Variants in CUBN observed in about 807,000 individuals in gnomAD.
CUBN encodes the protein 460 kDa receptor.
A neutral mutation model predicts 405.3 loss-of-function variants in CUBN; 282 were observed. That is an observed-to-expected ratio of 0.70 (90% CI 0.63 to 0.77). The LOEUF (loss-of-function observed/expected upper bound fraction) is 0.77, where lower values mean the gene tolerates loss of function less well. CUBN is among the 30% of genes least tolerant of loss of function. The probability of loss-of-function intolerance (pLI) is 0.00; values close to 1 mark genes in which losing one functional copy is unlikely to be tolerated. For synonymous variants in CUBN, 1,684 were observed against 1,617.0 expected (o/e 1.04, Z -0.99); for missense variants, 4,514 against 4,475.2 (o/e 1.01, Z -0.25).
At position 17,074,805 on chromosome 10, in the gene CUBN, T is replaced by C. The variant is rs1564504971; in HGVS notation, c.2302-2834A>G. 2.0e-5 allele frequency among the ~76,000 whole-genome samples: 3 copies of C among 152,216 alleles called. 1 individual carries two copies. The highest frequency in any genetic ancestry group is 2.0e-4 in the Admixed American group (3 of 15,268). ...TTTTATTCTGTTACTCTATTTTTTCTTAATGTTATTCTTACAACTTTACAT... is the reference window on the plus strand; with the variant it reads ...TTTTATTCTGTTACTCTATTTTTTCCTAATGTTATTCTTACAACTTTACAT... On this transcript the variant is annotated intron_variant, in intron 17 of 66. Transcript: ENST00000377833.
chr10:17,115,420 GCTA>G, intron 7 of CUBN, 48 bp downstream of exon 7: 1 of 1,610,878 alleles, frequency 6.2e-7, no homozygotes, highest in East Asian at 2.2e-5. Context: ...AGGAGGAGGA[GCTA>G]CTAACCATGG....
intron 21 of CUBN, among the ~76,000 whole-genome samples, chr10:17,066,167 G>C (rs1276543921): frequency 6.6e-6 from 1 of 152,116 alleles, no homozygotes; most frequent in Non-Finnish European, 1.5e-5. Flanking sequence ...AACCCCTATA[G>C]AGGGAATCTA....
At chr10:17,044,395 A>G (rs1443125235) in intron 25 of CUBN, among the ~76,000 whole-genome samples, 1 of 151,586 alleles carries the variant, frequency 6.6e-6, no homozygotes, top group Non-Finnish European at 1.5e-5. Flanking sequence ...TTAGGTATTT[A>G]TAAACTCAGG....
At chr10:17,041,325 A>G in intron 26 of CUBN, 105 bp from the exon 27 acceptor site, 4 of 838,852 alleles carry the variant, frequency 4.8e-6, no homozygotes, top group Non-Finnish European at 6.1e-6. Flanking sequence ...CTGTGTATGT[A>G]CACACACACA....
intron 62 of CUBN, among the ~76,000 whole-genome samples, chr10:16,837,314 C>T (rs1352529168): frequency 1.3e-5 from 2 of 149,204 alleles, no homozygotes; most frequent in Non-Finnish European, 3.0e-5. Context: ...GGGCCAGCCT[C>T]GGGGGAAGGG....
intron 62 of CUBN, among the ~76,000 whole-genome samples, chr10:16,837,973 G>A (rs1010403129): frequency 9.9e-5 from 15 of 152,114 alleles, no homozygotes; most frequent in Non-Finnish European, 1.6e-4. Context: ...TCTTAGCTTC[G>A]TGAAGCCAGG....
intron 6 of CUBN, among the ~76,000 whole-genome samples, chr10:17,116,592 A>G (rs1481556088): frequency 1.3e-5 from 2 of 152,252 alleles, no homozygotes; most frequent in African/African-American, 4.8e-5. Context: ...CCATTCTACA[A>G]AGGAAAAGAG....
intron 10 of CUBN, among the ~76,000 whole-genome samples, chr10:17,105,982 C>A (rs1368779418): frequency 6.6e-6 from 1 of 152,108 alleles, no homozygotes; most frequent in African/African-American, 2.4e-5. Context: ...CTGATTTAAT[C>A]CTCCCAAGAG....
At chr10:17,062,739 T>C (rs1692363579) in intron 22 of CUBN, among the ~76,000 whole-genome samples, 1 of 152,096 alleles carries the variant, frequency 6.6e-6, no homozygotes, top group South Asian at 2.1e-4. Flanking sequence ...ATCCGGAAAC[T>C]TAACCTTTAT....
intron 54 of CUBN, among the ~76,000 whole-genome samples, chr10:16,892,471 T>C (rs919049197): frequency 3.9e-5 from 6 of 152,070 alleles, no homozygotes; most frequent in Admixed American, 1.3e-4. Context: ...AATTTATCAA[T>C]AGATAATCTG....
In CUBN at chr10:16,907,525, G is replaced by T. The variant is rs1389867709; in HGVS notation, c.7688C>A (p.Thr2563Asn). Reference sequence around the variant, plus strand: ...TACATTACCTGCATCTTCACTGGAGGTATAGGAAGCAGTGAAGCCGCCATA... The same window carrying T: ...TACATTACCTGCATCTTCACTGGAGTTATAGGAAGCAGTGAAGCCGCCATA... ...RPYGGFTASY[T>N]SSEDAVCGGS... The change falls in exon 49 of 67, where the codon ACC (threonine) becomes AAC (asparagine). Residue 2563 changes from threonine (T) to asparagine (N), a missense_variant. Around this residue, in one of 5 missense-constraint regions of CUBN, gnomAD observed 1,613 missense variants for 1,542.8 expected, o/e 1.05. Coordinates refer to ENST00000377833, the MANE Select transcript of CUBN (RefSeq NM_001081.4). 1.9e-6 allele frequency: 3 copies of T among 1,614,000 alleles called. No homozygotes were observed. Among genetic ancestry groups the T allele is most frequent in the Non-Finnish European group, 8.5e-7 (1 of 1,180,020 alleles).
intron 56 of CUBN, among the ~76,000 whole-genome samples, chr10:16,880,034 C>T (rs1282178656): frequency 1.3e-5 from 2 of 152,176 alleles, no homozygotes; most frequent in African/African-American, 4.8e-5. Context: ...AAAGTAAAAA[C>T]AGAAACAGTT....
chr10:17,049,199 G>T (rs1835205326), intron 22 of CUBN, among the ~76,000 whole-genome samples: 1 of 152,122 alleles, frequency 6.6e-6, no homozygotes, highest in Non-Finnish European at 1.5e-5. Flanking sequence ...TATAGCATTG[G>T]TCTATTAATA....
At chr10:16,893,397 T>A (rs1206471825) in intron 54 of CUBN, among the ~76,000 whole-genome samples, 1 of 530 alleles carries the variant, frequency 1.9e-3, no homozygotes, top group African/African-American at 2.4e-3. Flanking sequence ...CTTGAACTCG[T>A]GTGTGTGTGT....
intron 6 of CUBN, among the ~76,000 whole-genome samples, chr10:17,119,473 A>G (rs1836984778): frequency 6.6e-6 from 1 of 152,170 alleles, no homozygotes; most frequent in African/African-American, 2.4e-5. Flanking sequence ...CAGCCTGGCC[A>G]ACATGGTGAA....
At chr10:16,951,421 T>C (rs1448869259) in intron 33 of CUBN, among the ~76,000 whole-genome samples, 1 of 152,188 alleles carries the variant, frequency 6.6e-6, no homozygotes, top group Non-Finnish European at 1.5e-5. Context: ...TTAAGTGACT[T>C]CCCTATTTTC....
chr10:16,827,873 T>C (rs1037411280), intron 66 of CUBN, among the ~76,000 whole-genome samples: 1 of 152,194 alleles, frequency 6.6e-6, no homozygotes, highest in Admixed American at 6.5e-5. Context: ...AGTGTTGGGA[T>C]TGCAGGTGTG....
Position 16,841,051 on chromosome 10 carries a change from A to T in CUBN, c.9664-4T>A. The T allele has an allele frequency of 1.2e-6, 2 of 1,613,900 alleles. No homozygotes were observed. Among genetic ancestry groups the T allele is most frequent in the Non-Finnish European group, 1.7e-6 (2 of 1,179,862 alleles). ...TTTCACTATCCCCATCATATAACTG[A>T]GAAGAAAAACAATTCATTACTTCTC... On this transcript the variant is annotated splice_region_variant and splice_polypyrimidine_tract_variant and intron_variant, in intron 60 of 66. Transcript: ENST00000377833.
chr10:17,106,597 CA>C (rs113317804), intron 10 of CUBN, among the ~76,000 whole-genome samples: 56,815 of 110,866 alleles, frequency 0.51, 12,022 homozygotes, highest in African/African-American at 0.54. Context: ...AACGCCATCT[CA>C]AAAAAAAAAA....
Sources: allele counts gnomAD v4.1 joint callset (sites outside exome capture counted in the v4.1 genomes callset), GRCh38; gene constraint gnomAD v4.1.1; regional missense constraint gnomAD v4.1.1; transcripts MANE v1.5; gene names NCBI Gene and HGNC (gene_info 2026-07-23, HGNC 2026-07-21).